LINC02747: variants seen among roughly 807,000 people sequenced by gnomAD.
LINC02747 encodes the protein CCND1-upstream intergenic DNA repair 2.
chr11:69,480,149 A>G (rs1590866956), intron 1 of LINC02747, among the ~76,000 whole-genome samples: 1 of 152,134 alleles, frequency 6.6e-6, no homozygotes, highest in East Asian at 1.9e-4. Context: ...GCACCAAGAC[A>G]AAGAGGCGTT....
intron 1 of LINC02747, among the ~76,000 whole-genome samples, chr11:69,478,443 CCT>C (rs1257080398): frequency 1.3e-5 from 2 of 152,228 alleles, no homozygotes; most frequent in African/African-American, 4.8e-5. Context: ...ACCCTGACCG[CCT>C]GCTCCTGTCT....
chr11:69,477,924 A>T (rs550307503), intron 1 of LINC02747, among the ~76,000 whole-genome samples: 3 of 152,104 alleles, frequency 2.0e-5, no homozygotes, highest in African/African-American at 7.2e-5. Flanking sequence ...GCATCCAACC[A>T]TGTGCAGGGC....
At chr11:69,478,974 G>A (rs1857021353) in intron 1 of LINC02747, among the ~76,000 whole-genome samples, 1 of 152,006 alleles carries the variant, frequency 6.6e-6, no homozygotes, top group Non-Finnish European at 1.5e-5. Flanking sequence ...ACAAGTGTGG[G>A]CCAGGTGCGG....
At chr11:69,477,736 T>C (rs922812862) in intron 1 of LINC02747, 1 of 152,092 alleles carries the variant, frequency 6.6e-6, no homozygotes, top group Non-Finnish European at 1.5e-5. Flanking sequence ...AGGGCGAAAC[T>C]GGGCTCAGGA....
exon 2 of LINC02747, chr11:69,477,423 C>T (rs564682789): frequency 1.2e-4 from 19 of 152,394 alleles, no homozygotes; most frequent in Middle Eastern, 3.4e-3. Context: ...TCGCTGGGTC[C>T]TGGACGCTTG....
chr11:69,478,377 C>T (rs1334929927), intron 1 of LINC02747, among the ~76,000 whole-genome samples: 1 of 152,108 alleles, frequency 6.6e-6, no homozygotes, highest in Non-Finnish European at 1.5e-5. Context: ...GCACCCCCGC[C>T]TCCACCCCTG....
At chr11:69,480,173 G>C (rs1857035802) in intron 1 of LINC02747, among the ~76,000 whole-genome samples, 1 of 152,282 alleles carries the variant, frequency 6.6e-6, no homozygotes, top group Middle Eastern at 3.4e-3. Context: ...TGGCTGCCTT[G>C]GCCTCCTCTC....
At chr11:69,480,986 C>T (rs536367745) in intron 1 of LINC02747, among the ~76,000 whole-genome samples, 109 of 152,318 alleles carry the variant, frequency 7.2e-4, no homozygotes, top group African/African-American at 2.5e-3. Context: ...GTGCACAGCC[C>T]GCTAGCAACT....
At chr11:69,481,517 T>C (rs1722177006) in exon 1 of LINC02747, 1 of 152,302 alleles carries the variant, frequency 6.6e-6, no homozygotes, top group South Asian at 2.1e-4. Flanking sequence ...CTGAATCAGG[T>C]CCTCACATAG....
At chr11:69,479,148 G>A (rs1038186047) in intron 1 of LINC02747, among the ~76,000 whole-genome samples, 5 of 150,458 alleles carry the variant, frequency 3.3e-5, no homozygotes, top group Admixed American at 1.3e-4. Flanking sequence ...CCAGCTACTC[G>A]GGAGGCTGAG....
At chr11:69,477,967 G>T (rs1857011923) in intron 1 of LINC02747, among the ~76,000 whole-genome samples, 1 of 152,184 alleles carries the variant, frequency 6.6e-6, no homozygotes, top group Admixed American at 6.5e-5. Context: ...TGGTGGGGAT[G>T]GGGCGAGGAA....
chr11:69,478,146 G>T (rs1380071153), intron 1 of LINC02747, among the ~76,000 whole-genome samples: 2 of 152,200 alleles, frequency 1.3e-5, no homozygotes, highest in East Asian at 1.9e-4. Context: ...CAGACCGGGG[G>T]TGAGGCAGGA....
chr11:69,480,239 C>T (rs1054369862), intron 1 of LINC02747, among the ~76,000 whole-genome samples: 3 of 152,114 alleles, frequency 2.0e-5, no homozygotes, highest in South Asian at 2.1e-4. Flanking sequence ...GAGCCCAGGC[C>T]GGAGCCAGCA....
chr11:69,476,467 A>G (rs991203655), exon 2 of LINC02747: 1 of 152,038 alleles, frequency 6.6e-6, no homozygotes, highest in African/African-American at 2.4e-5. Context: ...GATCTAATCA[A>G]TATCCTGCTC....
chr11:69,476,581 C>T (rs1329811652), exon 2 of LINC02747: 7 of 152,180 alleles, frequency 4.6e-5, no homozygotes, highest in Admixed American at 3.9e-4. Context: ...TTCCCTCTCC[C>T]CAGCCCGCTG....
At chr11:69,476,793 G>A (rs1857000135) in exon 2 of LINC02747, 2 of 152,246 alleles carry the variant, frequency 1.3e-5, no homozygotes, top group Admixed American at 1.3e-4. Context: ...TATGGATTGA[G>A]GCCCATTGTT....
At chr11:69,480,121 T>C (rs1857034850) in intron 1 of LINC02747, among the ~76,000 whole-genome samples, 1 of 152,108 alleles carries the variant, frequency 6.6e-6, no homozygotes, top group Non-Finnish European at 1.5e-5. Context: ...GCTCAACGGC[T>C]TTATCTGACA....
At chr11:69,479,408 G>A (rs973446321) in intron 1 of LINC02747, among the ~76,000 whole-genome samples, 10 of 152,248 alleles carry the variant, frequency 6.6e-5, no homozygotes, top group African/African-American at 2.2e-4. Context: ...CTCTGCTGAG[G>A]TTGCCTGCGG....
At chr11:69,475,636 A>G (rs1856985817) in exon 2 of LINC02747, 2 of 152,160 alleles carry the variant, frequency 1.3e-5, no homozygotes, top group East Asian at 1.9e-4. Context: ...TATTTCTCAC[A>G]GTTCTGGAGG....
Sources: gnomAD v4.1 joint callset for allele counts (sites outside exome capture counted in the v4.1 genomes callset) on GRCh38, gnomAD v4.1.1 for gene constraint, MANE v1.5 for transcripts, NCBI Gene and HGNC (gene_info 2026-07-23, HGNC 2026-07-21) for gene names.